Variants in COG2 observed in about 807,000 individuals in gnomAD.
COG2 encodes the protein component of oligomeric golgi complex 2, also known as conserved oligomeric Golgi complex subunit 2.
COG2 carries 52 observed loss-of-function variants against 90.6 expected under a neutral mutation model. The ratio of observed to expected loss-of-function variants is 0.57; its 90% CI spans 0.46 to 0.72. The LOEUF (loss-of-function observed/expected upper bound fraction) is 0.72. Ranked by LOEUF, COG2 falls within the 30% of genes least tolerant of loss-of-function variation. COG2 has a pLI of 0.00. For synonymous variants in COG2, 337 were observed against 320.4 expected (o/e 1.05, Z -0.55); for missense variants, 829 against 891.2 (o/e 0.93, Z 0.89).
At chr1:230,645,880 C>T (rs1195432695) in intron 1 of COG2, among the ~76,000 whole-genome samples, 1 of 152,086 alleles carries the variant, frequency 6.6e-6, no homozygotes, top group Admixed American at 6.5e-5. Context: ...GAATCTAGTG[C>T]TGCCACTGAT....
At chr1:230,683,409 TAAAA>T (rs5781595) in intron 10 of COG2, 161 bp from the exon 11 acceptor site, 16,882 of 377,628 alleles carry the variant, frequency 0.045, no homozygotes, top group South Asian at 0.059. Flanking sequence ...CTTGTTCAGT[TAAAA>T]AAAAAAAAAA....
At chr1:230,688,690 G>C in intron 15 of COG2, 128 bp downstream of exon 15, 4 of 1,056,432 alleles carry the variant, frequency 3.8e-6, no homozygotes, top group Non-Finnish European at 5.6e-6. Context: ...ATCCCATTCT[G>C]AGAATGGTAT....
chr1:230,676,782 TG>T (rs1193817836), intron 9 of COG2, among the ~76,000 whole-genome samples: 1 of 152,194 alleles, frequency 6.6e-6, no homozygotes, highest in African/African-American at 2.4e-5. Context: ...TGCTTCTGTT[TG>T]TAAGGTCAGT....
intron 6 of COG2, chr1:230,668,997 ATTAAT>A: frequency 2.2e-6 from 1 of 465,028 alleles, no homozygotes; most frequent in Non-Finnish European, 3.8e-6. Flanking sequence ...TAAGAGTAAA[ATTAAT>A]TCTGAATTTC....
At chr1:230,645,033 A>G (rs1038687333) in intron 1 of COG2, among the ~76,000 whole-genome samples, 1 of 152,110 alleles carries the variant, frequency 6.6e-6, no homozygotes, top group Admixed American at 6.5e-5. Context: ...GCTTAATAAA[A>G]TATACACACT....
rs751415900 is a variant in COG2, at chr1:230,664,491, T to A, written c.389T>A (p.Val130Glu). Residue 130 changes from valine to glutamate, a missense_variant, in exon 5 of 18, where the codon GTA (valine) becomes GAA (glutamate). Physicochemically the swap from Val to Glu is moderately radical, Grantham distance 121 (BLOSUM62 -2). Transcript: ENST00000366669. ...CTTAATTTTTATTTATAGATGTGTG[T>A]ATTGAGGCTTATACAAGTTATTCGG... ...QEDIRKKKMC[V>E]LRLIQVIRSV... 5 of 1,433,008 alleles carry A rather than the reference T, an allele frequency of 3.5e-6. No homozygotes were observed. Among genetic ancestry groups the A allele is most frequent in the Non-Finnish European group, 4.8e-6 (5 of 1,041,996 alleles). The allele number at this position is 1,433,008 out of a possible 1,614,324, so 88.8% of individuals were successfully genotyped here.
At chr1:230,678,846 T>C (rs1662662743) in intron 9 of COG2, 67 bp from the exon 10 acceptor site, 1 of 1,592,498 alleles carries the variant, frequency 6.3e-7, no homozygotes, top group Non-Finnish European at 8.5e-7. Flanking sequence ...GATTACAGTT[T>C]TCAGTACATG....
At position 230,659,479 on chromosome 1, in the gene COG2, G is replaced by A. The variant is rs761353900; in HGVS notation, c.88G>A (p.Asp30Asn). The A allele has an allele frequency of 1.4e-5, 22 of 1,613,132 alleles. No individual in the cohort carries two copies. The African/African-American group carries it at 1.9e-4, about 14-fold the overall frequency. The part of the protein sequence containing the change: ...DEFMKEDFDV[D>N]HFVSDCRKRV... ...TATTTTTCAGGAAGATTTCGATGTC[G>A]ATCATTTTGTGTCTGACTGTAGGAA... The change falls in exon 2 of 18, where the codon GAT (aspartate) becomes AAT (asparagine). Residue 30 changes from aspartate to asparagine, a missense_variant. Transcript: ENST00000366669.
chr1:230,644,693 G>A (rs1262653204), intron 1 of COG2, among the ~76,000 whole-genome samples: 2 of 152,246 alleles, frequency 1.3e-5, no homozygotes, highest in African/African-American at 4.8e-5. Context: ...TGTTCAGTCA[G>A]TGGGCATTCC....
intron 1 of COG2, among the ~76,000 whole-genome samples, chr1:230,646,607 A>G (rs1482969840): frequency 1.3e-5 from 2 of 151,554 alleles, no homozygotes; most frequent in Non-Finnish European, 2.9e-5. Flanking sequence ...CTTATCTGCA[A>G]CCCCATGTGC....
intron 11 of COG2, 98 bp downstream of exon 11, chr1:230,683,733 GTTTT>G: frequency 2.0e-6 from 1 of 501,400 alleles, no homozygotes; most frequent in Non-Finnish European, 3.5e-6. Context: ...TACTTTTACT[GTTTT>G]TTTTTTTTAA....
At position 230,690,144 on chromosome 1, in the gene COG2, G is replaced by A; in HGVS notation, c.1925G>A (p.Ser642Asn). ...QQWLEGTLSE[S>N]THKYYETVSD... ...TGGCTAGAAGGCACTCTCAGTGAAA[G>A]CACTCATAAGTAAGTAAATTAAAAG... The change falls in exon 16 of 18, where the codon AGC becomes AAC. Residue 642 changes from serine to asparagine, a missense_variant. Transcript: ENST00000366669. 2 of 1,612,502 alleles carry A rather than the reference G, an allele frequency of 1.2e-6. No homozygotes were observed. Among genetic ancestry groups the A allele is most frequent in the Non-Finnish European group, 1.7e-6 (2 of 1,179,434 alleles).
intron 10 of COG2, chr1:230,680,844 G>C (rs1033193235): frequency 6.6e-6 from 1 of 152,132 alleles, no homozygotes; most frequent in African/African-American, 2.4e-5. Context: ...ATGACAAAAA[G>C]TTCCGCAAAC....
chr1:230,678,375 T>C, intron 9 of COG2: 1 of 985,236 alleles, frequency 1.0e-6, no homozygotes, highest in Non-Finnish European at 1.2e-6. Context: ...AATAAGACAA[T>C]TCTAATCACA....
rs1436632900 is a variant in COG2 at position 230,642,647 on chromosome 1, C to G, written c.41C>G (p.Thr14Arg). Residue 14 changes from threonine (T) to arginine (R), a missense_variant, in exon 1 of 18, where the codon ACG becomes AGG. By Grantham distance (71) the Thr-to-Arg change is moderately conservative. Transcript: ENST00000366669. ...ATGAACCTGCCCAAGGGGCCGGACA[C>G]GCTCTGCTTCGACAAGGACGAGTTC... ...SRMNLPKGPDTLCFDKDEFMK... is the reference protein window; with the variant it reads ...SRMNLPKGPDRLCFDKDEFMK... The G allele has an allele frequency of 1.2e-6, 2 of 1,613,144 alleles. No individual in the cohort carries two copies. Among genetic ancestry groups the G allele is most frequent in the East Asian group, 2.2e-5 (1 of 44,812 alleles).
chr1:230,683,739 T>TTG, intron 11 of COG2, 104 bp downstream of exon 11: 1 of 809,422 alleles, frequency 1.2e-6, no homozygotes, highest in Non-Finnish European at 2.0e-6. Context: ...TACTGTTTTT[T>TTG]TTTTTTAATC....
In COG2 at chr1:230,642,669, G is replaced by A; in HGVS notation, c.63G>A (p.Glu21=). 2 of 1,612,802 alleles carry A rather than the reference G, an allele frequency of 1.2e-6. No individual in the cohort carries two copies. Among genetic ancestry groups the A allele is most frequent in the South Asian group, 2.2e-5 (2 of 90,696 alleles). The change falls in exon 1 of 18, where the codon GAG becomes GAA. Residue 21 remains glutamate (E), a synonymous_variant. Transcript: ENST00000366669. ...GPDTLCFDKD[E]FMKEDFDVDH... ...ACACGCTCTGCTTCGACAAGGACGA[G>A]TTCATGAAGGTGCGCGCGGCGTCCG... is the stretch of plus-strand genomic sequence containing the variant.
rs552970138 is a variant in COG2 at position 230,679,267 on chromosome 1, T to C, written c.1166+215T>C. On this transcript the variant is annotated intron_variant, in intron 10 of 17. Transcript: ENST00000366669. ...AAAGATAAGTTTTCTTTTTTGGTAA[T>C]TGGAGAGCTCAGAACACAAGAGTTG... 1.6e-5 allele frequency: 7 copies of C among 442,598 alleles called. No individual in the cohort carries two copies. In the South Asian group the frequency reaches 3.4e-4, roughly 22 times the overall value. 27.4% of individuals were successfully genotyped at this position (442,598 alleles called of 1,614,324 possible). A position where few individuals can be genotyped will look rare whatever the true frequency, so the allele number is the denominator to read the frequency against.
At chr1:230,666,015 C>T (rs542160349) in intron 5 of COG2, among the ~76,000 whole-genome samples, 36 of 152,138 alleles carry the variant, frequency 2.4e-4, no homozygotes, top group African/African-American at 7.2e-4. Flanking sequence ...TCTGGGTAAC[C>T]TCATCCAACC....
Sources: gnomAD v4.1 joint callset for allele counts (sites outside exome capture counted in the v4.1 genomes callset) on GRCh38, gnomAD v4.1.1 for gene constraint, MANE v1.5 for transcripts, NCBI Gene and HGNC (gene_info 2026-07-23, HGNC 2026-07-21) for gene names.